Variants in SH3KBP1 observed in about 807,000 individuals in gnomAD.
SH3KBP1 encodes the protein SH3 domain containing kinase binding protein 1.
In SH3KBP1, 8 loss-of-function variants were observed where a neutral mutation model predicts 50.1. That is an observed-to-expected ratio of 0.16 (90% CI 0.09 to 0.29). SH3KBP1 has a LOEUF of 0.29. SH3KBP1 is among the 10% of genes least tolerant of loss of function. SH3KBP1 has a pLI of 1.00. For missense variants in SH3KBP1, 377 were observed against 535.2 expected (o/e 0.70, Z 2.92); for synonymous variants, 227 against 218.6 (o/e 1.04, Z -0.34).
intron 2 of SH3KBP1, 89 bp downstream of exon 2, chrX:19,836,036 T>G: frequency 1.2e-6 from 1 of 836,065 alleles, no homozygotes; most frequent in South Asian, 2.4e-5. Context: ...CCTAAGAGAG[T>G]TCATGCAATT....
At chrX:19,718,308 G>A (rs1313060936) in intron 3 of SH3KBP1, among the ~76,000 whole-genome samples, 1 of 111,160 alleles carries the variant, frequency 9.0e-6, no homozygotes, top group Non-Finnish European at 1.9e-5. Flanking sequence ...AATTTATGAA[G>A]GTCTAATACA....
At chrX:19,731,331 T>A (rs773320203) in intron 3 of SH3KBP1, among the ~76,000 whole-genome samples, 7 of 112,722 alleles carry the variant, frequency 6.2e-5, no homozygotes, top group African/African-American at 1.9e-4. Context: ...TTGTCTTGTA[T>A]ACATTCTCGC....
intron 6 of SH3KBP1, among the ~76,000 whole-genome samples, chrX:19,662,218 TCA>T (rs2062478486): frequency 8.9e-6 from 1 of 112,040 alleles, no homozygotes; most frequent in Admixed American, 9.5e-5. Flanking sequence ...TTATAGTTTT[TCA>T]CAGTTAATAT....
intron 7 of SH3KBP1, among the ~76,000 whole-genome samples, chrX:19,637,875 G>C (rs1443116309): frequency 9.3e-6 from 1 of 107,968 alleles, no homozygotes; most frequent in Non-Finnish European, 1.9e-5. Context: ...TCAGGAGCTC[G>C]AGACCAGCTT....
chrX:19,739,917 G>A, intron 3 of SH3KBP1, among the ~76,000 whole-genome samples: 1 of 110,852 alleles, frequency 9.0e-6, no homozygotes, highest in Non-Finnish European at 1.9e-5. Context: ...GCGGACACCA[G>A]CAGGAGTATG....
chrX:19,790,537 C>T (rs182804587), intron 2 of SH3KBP1, among the ~76,000 whole-genome samples: 1 of 111,315 alleles, frequency 9.0e-6, no homozygotes, highest in East Asian at 2.8e-4. Flanking sequence ...GACCAGAAAC[C>T]AAGTGTTGGT....
At chrX:19,801,583 G>C (rs762261564) in intron 2 of SH3KBP1, among the ~76,000 whole-genome samples, 28 of 111,932 alleles carry the variant, frequency 2.5e-4, no homozygotes, top group African/African-American at 9.1e-4. Flanking sequence ...TTACAAAGGT[G>C]AGTGGTTGCC....
At chrX:19,626,237 G>A (rs1002692406) in intron 8 of SH3KBP1, among the ~76,000 whole-genome samples, 2 of 110,935 alleles carry the variant, frequency 1.8e-5, no homozygotes, top group Non-Finnish European at 3.8e-5. Context: ...GAAAAGGAGC[G>A]GTTCTAACTG....
chrX:19,657,964 TAA>T (rs1177646512), intron 6 of SH3KBP1, among the ~76,000 whole-genome samples: 1 of 110,051 alleles, frequency 9.1e-6, no homozygotes, highest in East Asian at 2.9e-4. Context: ...TTTTGCAAGA[TAA>T]AAAAAGTTCT....
chrX:19,701,420 T>A (rs139490636), intron 4 of SH3KBP1, among the ~76,000 whole-genome samples: 1 of 111,330 alleles, frequency 9.0e-6, no homozygotes, highest in Non-Finnish European at 1.9e-5. Context: ...CCCCATTTCA[T>A]TGCATCCACC....
At chrX:19,722,531 G>GGTGTGTGTGTGTGTGTGTGTGTGT (rs59121045) in intron 3 of SH3KBP1, among the ~76,000 whole-genome samples, 5 of 101,036 alleles carry the variant, frequency 4.9e-5, no homozygotes, top group African/African-American at 1.5e-4. Flanking sequence ...CAGCTGCACT[G>GGTGTGTGTGTGTGTGTGTGTGTGT]GTGTGTGTGT....
intron 8 of SH3KBP1, among the ~76,000 whole-genome samples, chrX:19,622,361 A>G (rs1450725826): frequency 8.9e-6 from 1 of 112,177 alleles, no homozygotes; most frequent in Non-Finnish European, 1.9e-5. Context: ...ATTTGCATGC[A>G]CTCCTGTGAG....
intron 1 of SH3KBP1, among the ~76,000 whole-genome samples, chrX:19,874,715 G>C (rs770631111): frequency 2.9e-5 from 3 of 104,185 alleles, no homozygotes; most frequent in East Asian, 3.1e-4. Flanking sequence ...CAGGAGGCTG[G>C]GGGTGGACAG....
intron 3 of SH3KBP1, among the ~76,000 whole-genome samples, chrX:19,713,956 A>G (rs1289044641): frequency 8.9e-6 from 1 of 112,225 alleles, no homozygotes; most frequent in African/African-American, 3.2e-5. Context: ...ATCAACAGAA[A>G]AGTGGATAAG....
At chrX:19,586,491 T>A (rs1054938061) in intron 12 of SH3KBP1, among the ~76,000 whole-genome samples, 7 of 112,276 alleles carry the variant, frequency 6.2e-5, no homozygotes, top group Admixed American at 3.8e-4. Flanking sequence ...ATAAGTTTTT[T>A]CTTCTGATAT....
At chrX:19,561,257 G>T (rs1427220388) in intron 13 of SH3KBP1, among the ~76,000 whole-genome samples, 1 of 110,104 alleles carries the variant, frequency 9.1e-6, no homozygotes, top group Non-Finnish European at 1.9e-5. Context: ...CCCTAGGAGA[G>T]ACAAGAGTCC....
intron 2 of SH3KBP1, among the ~76,000 whole-genome samples, chrX:19,750,125 T>C: frequency 9.0e-6 from 1 of 111,367 alleles, no homozygotes; most frequent in Middle Eastern, 4.6e-3. Flanking sequence ...AATGGCGTGA[T>C]CTCAGTTCAC....
intron 2 of SH3KBP1, among the ~76,000 whole-genome samples, chrX:19,810,302 A>G (rs1225860521): frequency 8.9e-6 from 1 of 112,727 alleles, no homozygotes; most frequent in African/African-American, 3.2e-5. Flanking sequence ...GTTCCATTTA[A>G]AAGGGAAAAA....
chrX:19,683,724 C>A, intron 6 of SH3KBP1, 99 bp downstream of exon 6: 1 of 766,203 alleles, frequency 1.3e-6, no homozygotes, highest in Non-Finnish European at 2.0e-6. Context: ...GACATGGAAA[C>A]CCTAAAAGAG....
Sources: allele counts gnomAD v4.1 joint callset (sites outside exome capture counted in the v4.1 genomes callset), GRCh38; gene constraint gnomAD v4.1.1; transcripts MANE v1.5; gene names NCBI Gene and HGNC (gene_info 2026-07-23, HGNC 2026-07-21).